Variants in STAU2 observed in about 807,000 individuals in gnomAD.
STAU2 encodes staufen double-stranded RNA binding protein 2.
A neutral mutation model predicts 65.9 loss-of-function variants in STAU2; 20 were observed. The ratio of observed to expected loss-of-function variants is 0.30; its 90% CI spans 0.21 to 0.44. The LOEUF (loss-of-function observed/expected upper bound fraction) is 0.44, where lower values mean the gene tolerates loss of function less well. Ranked by LOEUF, STAU2 falls within the 20% of genes least tolerant of loss-of-function variation. The probability of loss-of-function intolerance (pLI) is 1.00; values close to 1 mark genes in which losing one functional copy is unlikely to be tolerated. For synonymous variants in STAU2, 232 were observed against 233.9 expected (o/e 0.99, Z 0.07); for missense variants, 558 against 683.9 (o/e 0.82, Z 2.05).
chr8:73,512,384 T>C (rs78702050), intron 13 of STAU2, among the ~76,000 whole-genome samples: 2 of 152,192 alleles, frequency 1.3e-5, no homozygotes, highest in Non-Finnish European at 2.9e-5. Flanking sequence ...TCCATGAACA[T>C]TGAATACCTC....
At position 73,688,841 on chromosome 8, in the gene STAU2, A is replaced by G; in HGVS notation, c.115-28T>C. The G allele has an allele frequency of 2.5e-6, 4 of 1,605,120 alleles. No individual in the cohort carries two copies. In the South Asian group the frequency reaches 3.3e-5, roughly 13 times the overall value. ...TAGAAAAACATAAATAGACAAAGAAAACATTAAGACTTTTCCAAGAAATAA... is the reference window on the plus strand; with the variant it reads ...TAGAAAAACATAAATAGACAAAGAAGACATTAAGACTTTTCCAAGAAATAA... On this transcript the variant is annotated intron_variant, in intron 4 of 14. Transcript: ENST00000524300.
At chr8:73,649,208 C>T (rs1483264997) in intron 6 of STAU2, among the ~76,000 whole-genome samples, 2 of 152,202 alleles carry the variant, frequency 1.3e-5, no homozygotes, top group East Asian at 1.9e-4. Context: ...GATTTCCAAA[C>T]ATTCTGCACA....
chr8:73,593,248 T>TA (rs1250963009), intron 11 of STAU2, among the ~76,000 whole-genome samples: 2 of 152,192 alleles, frequency 1.3e-5, no homozygotes, highest in Non-Finnish European at 2.9e-5. Flanking sequence ...CCCCATTACT[T>TA]AGAGTTATCT....
intron 13 of STAU2, among the ~76,000 whole-genome samples, chr8:73,488,352 C>T (rs1821015915): frequency 6.6e-6 from 1 of 151,858 alleles, no homozygotes; most frequent in Non-Finnish European, 1.5e-5. Flanking sequence ...TTTAGAAGAC[C>T]AAATTCACCA....
At chr8:73,555,628 TA>T (rs1427632330) in intron 12 of STAU2, among the ~76,000 whole-genome samples, 2 of 151,766 alleles carry the variant, frequency 1.3e-5, no homozygotes, top group East Asian at 3.9e-4. Flanking sequence ...AATTTAAAAC[TA>T]ATACAATATA....
chr8:73,552,195 G>A lies in STAU2; in HGVS notation c.1347C>T (p.Ser449=). ...LSPKDMNQPS[S]SFFSISPTSN... ...ATGTGGGAGATATACTGAAGAAAGA[G>A]CTTGAAGGTTGGTTCATATCTTTGG... Residue 449 remains serine, a synonymous_variant, in exon 13 of 15, where the codon AGC becomes AGT. Coordinates refer to ENST00000524300, the MANE Select transcript of STAU2 (RefSeq NM_001164380.2). The A allele has an allele frequency of 1.2e-6, 2 of 1,614,046 alleles. No homozygotes were observed. Among genetic ancestry groups the A allele is most frequent in the Non-Finnish European group, 1.7e-6 (2 of 1,179,910 alleles).
chr8:73,546,337 G>C (rs1463789105), intron 13 of STAU2, among the ~76,000 whole-genome samples: 2 of 152,068 alleles, frequency 1.3e-5, no homozygotes, highest in South Asian at 4.1e-4. Flanking sequence ...ATTTATTAAT[G>C]AAATCTATGA....
At chr8:73,524,502 T>C (rs926124464) in intron 13 of STAU2, among the ~76,000 whole-genome samples, 1 of 152,186 alleles carries the variant, frequency 6.6e-6, no homozygotes, top group African/African-American at 2.4e-5. Context: ...TACCCTTTAA[T>C]ACAGCAAATG....
intron 12 of STAU2, among the ~76,000 whole-genome samples, chr8:73,578,137 T>A (rs535293830): frequency 1.7e-4 from 26 of 152,214 alleles, no homozygotes; most frequent in Non-Finnish European, 2.1e-4. Flanking sequence ...TTTCCATTTT[T>A]AAAAAAAATG....
At chr8:73,682,781 A>C (rs1051689382) in intron 5 of STAU2, among the ~76,000 whole-genome samples, 2 of 152,142 alleles carry the variant, frequency 1.3e-5, no homozygotes, top group African/African-American at 4.8e-5. Context: ...CAAACAGGAG[A>C]TATAACAACT....
chr8:73,628,240 ATT>A, intron 6 of STAU2, among the ~76,000 whole-genome samples: 1 of 146,516 alleles, frequency 6.8e-6, no homozygotes. Flanking sequence ...TGCCTGGCTA[ATT>A]TTTTTTTTTT....
chr8:73,517,038 G>A (rs1262647317), intron 13 of STAU2, among the ~76,000 whole-genome samples: 2 of 152,048 alleles, frequency 1.3e-5, no homozygotes, highest in African/African-American at 4.8e-5. Flanking sequence ...AAACATAGAG[G>A]CATACAGAAT....
At chr8:73,566,581 T>C (rs4738385) in intron 12 of STAU2, among the ~76,000 whole-genome samples, 142,149 of 152,256 alleles carry the variant, frequency 0.93, 66,352 homozygotes, top group Middle Eastern at 0.96. Flanking sequence ...CCTTTAATTA[T>C]CAGCAAATGA....
intron 13 of STAU2, among the ~76,000 whole-genome samples, chr8:73,459,107 A>G (rs1489722195): frequency 1.3e-5 from 2 of 152,200 alleles, no homozygotes; most frequent in African/African-American, 4.8e-5. Flanking sequence ...GAACTTTCCT[A>G]TATTCATTTT....
At chr8:73,688,413 G>A (rs543425806) in intron 5 of STAU2, among the ~76,000 whole-genome samples, 21 of 151,754 alleles carry the variant, frequency 1.4e-4, no homozygotes, top group Admixed American at 1.1e-3. Flanking sequence ...TGATCCACCC[G>A]CCTCGGCCTC....
chr8:73,717,397 T>A (rs1227256441), intron 3 of STAU2, among the ~76,000 whole-genome samples: 4 of 152,234 alleles, frequency 2.6e-5, no homozygotes, highest in African/African-American at 9.6e-5. Context: ...ATTATAGTTT[T>A]AGGTTTTACA....
intron 4 of STAU2, among the ~76,000 whole-genome samples, chr8:73,700,992 G>T (rs896824658): frequency 4.6e-5 from 7 of 152,032 alleles, no homozygotes; most frequent in Non-Finnish European, 1.0e-4. Context: ...ACTCATTTTT[G>T]ACAATAGTGT....
chr8:73,584,106 A>T (rs187278157), intron 11 of STAU2, among the ~76,000 whole-genome samples: 2 of 152,352 alleles, frequency 1.3e-5, no homozygotes, highest in African/African-American at 4.8e-5. Context: ...AGTGGCAGAC[A>T]GCAGAAGCAA....
chr8:73,530,262 CAG>C (rs1805724433), intron 13 of STAU2, among the ~76,000 whole-genome samples: 1 of 152,188 alleles, frequency 6.6e-6, no homozygotes, highest in Non-Finnish European at 1.5e-5. Context: ...AACCTAATCT[CAG>C]TGAGATTTTC....
Sources: gnomAD v4.1 joint callset for allele counts (sites outside exome capture counted in the v4.1 genomes callset) on GRCh38, gnomAD v4.1.1 for gene constraint, MANE v1.5 for transcripts, NCBI Gene and HGNC (gene_info 2026-07-23, HGNC 2026-07-21) for gene names.